Variants in ADGRL2 observed in about 807,000 individuals in gnomAD.
ADGRL2 encodes adhesion G protein-coupled receptor L2.
Under a neutral mutation model 157.4 loss-of-function variants are expected in ADGRL2, and 44 were observed. The observed-to-expected ratio is 0.28, with a 90% CI of 0.22 to 0.36. ADGRL2 has a LOEUF of 0.36. Ranked by LOEUF, ADGRL2 falls within the 10% of genes least tolerant of loss-of-function variation. The pLI is 1.00. For missense variants in ADGRL2, 1,510 were observed against 1,768.9 expected (o/e 0.85, Z 2.63); for synonymous variants, 585 against 624.7 (o/e 0.94, Z 0.95).
intron 1 of ADGRL2, among the ~76,000 whole-genome samples, chr1:81,719,312 C>A (rs947539684): frequency 2.0e-5 from 3 of 152,338 alleles, no homozygotes; most frequent in African/African-American, 4.8e-5. Context: ...CCATGGCTTT[C>A]TTTGTGTTTA....
At chr1:81,725,428 A>T (rs1184469949) in intron 1 of ADGRL2, among the ~76,000 whole-genome samples, 2 of 151,978 alleles carry the variant, frequency 1.3e-5, no homozygotes, top group Admixed American at 6.6e-5. Context: ...AATCCCAGCT[A>T]CTTGGGAGGG....
chr1:81,949,263 A>G (rs538903184), intron 6 of ADGRL2, among the ~76,000 whole-genome samples: 16 of 152,286 alleles, frequency 1.1e-4, no homozygotes, highest in African/African-American at 3.8e-4. Context: ...TTACTGACAG[A>G]TTTTTGTTGT....
At chr1:81,887,403 T>C (rs1356110291) in intron 2 of ADGRL2, among the ~76,000 whole-genome samples, 2 of 152,234 alleles carry the variant, frequency 1.3e-5, no homozygotes, top group Non-Finnish European at 2.9e-5. Flanking sequence ...ATTATCAGTT[T>C]GTAAGCACAG....
At chr1:81,582,589 T>G (rs968361213) in intron 3 of ADGRL2, among the ~76,000 whole-genome samples, 1 of 151,782 alleles carries the variant, frequency 6.6e-6, no homozygotes, top group African/African-American at 2.4e-5. Context: ...TAAAGGTCAA[T>G]TGCACTCAAA....
intron 1 of ADGRL2, among the ~76,000 whole-genome samples, chr1:81,754,845 G>A (rs2085629910): frequency 6.6e-6 from 1 of 151,124 alleles, no homozygotes; most frequent in African/African-American, 2.4e-5. Flanking sequence ...TAAAATGGAG[G>A]TAATAATAAC....
At chr1:81,620,849 C>T (rs1056845146) in intron 3 of ADGRL2, among the ~76,000 whole-genome samples, 6 of 152,282 alleles carry the variant, frequency 3.9e-5, no homozygotes, top group Non-Finnish European at 8.8e-5. Context: ...TCACTGGAAT[C>T]GTCAGACAAG....
chr1:81,608,559 A>G (rs1029649410), intron 3 of ADGRL2, among the ~76,000 whole-genome samples: 2 of 152,164 alleles, frequency 1.3e-5, no homozygotes, highest in Non-Finnish European at 2.9e-5. Flanking sequence ...TGCCTCTCAG[A>G]GTCTTTAATA....
chr1:81,668,349 T>A (rs974422256), intron 3 of ADGRL2, among the ~76,000 whole-genome samples: 1 of 150,424 alleles, frequency 6.6e-6, no homozygotes, highest in Admixed American at 6.6e-5. Flanking sequence ...CGCATGAACC[T>A]GGGAGGCGGA....
chr1:81,866,872 G>T (rs2093557322), intron 2 of ADGRL2, among the ~76,000 whole-genome samples: 3 of 151,982 alleles, frequency 2.0e-5, no homozygotes, highest in Non-Finnish European at 4.4e-5. Context: ...GTTTTTTTGG[G>T]GTGTGTGCAT....
At chr1:81,427,225 C>T in intron 1 of ADGRL2, 1 of 777,680 alleles carries the variant, frequency 1.3e-6, no homozygotes, top group Admixed American at 1.7e-5. Flanking sequence ...GAAGAGGAGG[C>T]TATGCTGGTG....
At chr1:81,566,151 G>C (rs554728420) in intron 2 of ADGRL2, among the ~76,000 whole-genome samples, 5 of 152,068 alleles carry the variant, frequency 3.3e-5, no homozygotes, top group African/African-American at 1.2e-4. Flanking sequence ...AGAGTTATAA[G>C]AAGAAGGAAA....
chr1:81,899,559 T>G (rs1355229084), intron 2 of ADGRL2, among the ~76,000 whole-genome samples: 3 of 152,126 alleles, frequency 2.0e-5, no homozygotes, highest in Middle Eastern at 3.2e-3. Flanking sequence ...AAACAGTTCA[T>G]TTTACTCTAA....
intron 2 of ADGRL2, among the ~76,000 whole-genome samples, chr1:81,539,915 T>G (rs1404684219): frequency 6.6e-6 from 1 of 152,194 alleles, no homozygotes; most frequent in Non-Finnish European, 1.5e-5. Flanking sequence ...AGTGTTTTTA[T>G]TTTTGAGATT....
chr1:81,879,713 T>C (rs895759557), intron 2 of ADGRL2, among the ~76,000 whole-genome samples: 10 of 152,064 alleles, frequency 6.6e-5, no homozygotes, highest in African/African-American at 2.4e-4. Flanking sequence ...AAACAGGTCG[T>C]TTAAATATGT....
chr1:81,563,126 T>G (rs1031894391), intron 2 of ADGRL2, among the ~76,000 whole-genome samples: 1 of 152,204 alleles, frequency 6.6e-6, no homozygotes, highest in Admixed American at 6.6e-5. Flanking sequence ...CAGCATTTCC[T>G]GCAATTATCT....
chr1:81,473,072 A>G (rs4650555), intron 2 of ADGRL2, among the ~76,000 whole-genome samples: 753 of 34,004 alleles, frequency 0.022, 10 homozygotes, highest in Middle Eastern at 0.06. Context: ...AATTAGAGAT[A>G]GAGGGAGGGA....
At chr1:81,440,092 C>T (rs139728662) in intron 1 of ADGRL2, among the ~76,000 whole-genome samples, 5 of 152,076 alleles carry the variant, frequency 3.3e-5, no homozygotes, top group East Asian at 1.9e-4. Context: ...AAGGTGCGTA[C>T]GACAATGTAG....
chr1:81,907,700 T>C (rs1260889895), intron 3 of ADGRL2, among the ~76,000 whole-genome samples: 1 of 152,094 alleles, frequency 6.6e-6, no homozygotes, highest in African/African-American at 2.4e-5. Flanking sequence ...ATATGATCCA[T>C]ATCCACACAC....
At chr1:81,518,947 T>C (rs890447050) in intron 2 of ADGRL2, among the ~76,000 whole-genome samples, 3 of 152,238 alleles carry the variant, frequency 2.0e-5, no homozygotes, top group Non-Finnish European at 4.4e-5. Flanking sequence ...ATCTTTTCCA[T>C]AGATACTGAT....
Sources: gnomAD v4.1 joint callset for allele counts (sites outside exome capture counted in the v4.1 genomes callset) on GRCh38, gnomAD v4.1.1 for gene constraint, MANE v1.5 for transcripts, NCBI Gene and HGNC (gene_info 2026-07-23, HGNC 2026-07-21) for gene names.